The following GREB1L variants were observed in gnomAD, a reference collection of about 807,000 sequenced individuals.
The protein encoded by GREB1L is GREB1 like retinoic acid receptor coactivator.
Under a neutral mutation model 200.8 loss-of-function variants are expected in GREB1L, and 17 were observed. The ratio of observed to expected loss-of-function variants is 0.08; its 90% CI spans 0.06 to 0.13. The LOEUF is 0.13. Among genes scored for constraint, GREB1L ranks in the 10% least tolerant of loss-of-function variants. The pLI is 1.00. For synonymous variants in GREB1L, 789 were observed against 893.0 expected (o/e 0.88, Z 2.08); for missense variants, 1,657 against 2,367.7 (o/e 0.70, Z 6.23).
intron 1 of GREB1L, among the ~76,000 whole-genome samples, chr18:21,358,457 AG>A (rs2039536447): frequency 6.6e-6 from 1 of 152,154 alleles, no homozygotes. Context: ...CTGGGACTAC[AG>A]GCGCCTGCCA....
intron 1 of GREB1L, among the ~76,000 whole-genome samples, chr18:21,286,361 AG>A (rs2038357035): frequency 1.3e-5 from 2 of 152,196 alleles, no homozygotes; most frequent in South Asian, 4.1e-4. Context: ...TTCATTCTGT[AG>A]GGTAAAAAGA....
intron 27 of GREB1L, among the ~76,000 whole-genome samples, chr18:21,511,803 T>G (rs1304601032): frequency 6.6e-6 from 1 of 152,194 alleles, no homozygotes; most frequent in Non-Finnish European, 1.5e-5. Context: ...TATGCCACCA[T>G]GCCTAGCTAA....
At chr18:21,440,556 A>C (rs2033841313) in intron 9 of GREB1L, among the ~76,000 whole-genome samples, 168 bp downstream of exon 9, 1 of 152,232 alleles carries the variant, frequency 6.6e-6, no homozygotes, top group Non-Finnish European at 1.5e-5. Context: ...CAAGATCATT[A>C]CAACTGATCT....
chr18:21,424,694 G>A (rs933498327), intron 7 of GREB1L, among the ~76,000 whole-genome samples: 1 of 152,068 alleles, frequency 6.6e-6, no homozygotes, highest in Non-Finnish European at 1.5e-5. Context: ...AAAACAAAAA[G>A]TGTACAATTC....
At chr18:21,453,835 G>C (rs1374278957) in intron 14 of GREB1L, among the ~76,000 whole-genome samples, 1 of 152,094 alleles carries the variant, frequency 6.6e-6, no homozygotes, top group South Asian at 2.1e-4. Flanking sequence ...TGACTGGGGA[G>C]GGAATTTCCG....
At chr18:21,254,061 ATTTTT>A (rs547876546) in intron 1 of GREB1L, among the ~76,000 whole-genome samples, 1 of 70,438 alleles carries the variant, frequency 1.4e-5, no homozygotes. Context: ...TTTCAGGCAT[ATTTTT>A]TTTTTTTTTT....
At chr18:21,427,470 A>G (rs991145466) in intron 7 of GREB1L, among the ~76,000 whole-genome samples, 15 of 151,594 alleles carry the variant, frequency 9.9e-5, no homozygotes, top group Non-Finnish European at 2.2e-4. Context: ...ATGCCACTAC[A>G]CTCCAGCTTG....
At chr18:21,383,722 T>C (rs2040420073) in intron 3 of GREB1L, 47 bp downstream of exon 3, 1 of 1,535,398 alleles carries the variant, frequency 6.5e-7, no homozygotes, top group Non-Finnish European at 8.8e-7. Context: ...TTTTTTGTTT[T>C]GTTTTTTTGA....
chr18:21,268,046 CT>C (rs1300073614), intron 1 of GREB1L, among the ~76,000 whole-genome samples: 1 of 152,150 alleles, frequency 6.6e-6, no homozygotes, highest in East Asian at 1.9e-4. Context: ...CTTTTGCCCC[CT>C]GATTTCAGTT....
intron 15 of GREB1L, among the ~76,000 whole-genome samples, chr18:21,464,007 A>G (rs923541291): frequency 6.6e-6 from 1 of 152,236 alleles, no homozygotes; most frequent in African/African-American, 2.4e-5. Flanking sequence ...AAGGAATGAT[A>G]GCAATGGATT....
intron 7 of GREB1L, among the ~76,000 whole-genome samples, chr18:21,438,210 C>CTGCA (rs761978236): frequency 2.0e-4 from 31 of 152,182 alleles, no homozygotes; most frequent in East Asian, 1.2e-3. Context: ...GAAGTCAAGA[C>CTGCA]TGCAGCGAGC....
At chr18:21,327,091 G>C (rs1029789627) in intron 1 of GREB1L, among the ~76,000 whole-genome samples, 2 of 152,176 alleles carry the variant, frequency 1.3e-5, no homozygotes, top group African/African-American at 4.8e-5. Context: ...CTTCGGAAAA[G>C]AAGTAAAAGG....
At chr18:21,284,217 G>A (rs1194992839) in intron 1 of GREB1L, among the ~76,000 whole-genome samples, 1 of 152,130 alleles carries the variant, frequency 6.6e-6, no homozygotes, top group Non-Finnish European at 1.5e-5. Flanking sequence ...CACTTAAAAT[G>A]TACAATGCAG....
intron 4 of GREB1L, among the ~76,000 whole-genome samples, chr18:21,384,990 C>G: frequency 6.6e-6 from 1 of 152,132 alleles, no homozygotes; most frequent in South Asian, 2.1e-4. Flanking sequence ...TCCACCAAGG[C>G]TTCACACTTT....
Position 21,520,788 on chromosome 18 carries a change from T to G in GREB1L, c.5573T>G (p.Val1858Gly). The G allele has an allele frequency of 7.1e-7, 1 of 1,404,276 alleles. No homozygotes were observed. The highest frequency in any genetic ancestry group is 9.3e-7 in the Non-Finnish European group (1 of 1,080,934). 87.0% of individuals were successfully genotyped at this position (1,404,276 alleles called of 1,614,324 possible). A position where few individuals can be genotyped will look rare whatever the true frequency, so the allele number is the denominator to read the frequency against. ...CTTTTGTACCTCTGTGACTCTTTTG[T>G]AGGTGCTGATCTTAAGAAATTTAAA... is the stretch of plus-strand genomic sequence containing the variant. The part of the protein sequence containing the change: ...GLLLYLCDSF[V>G]GADLKKFKFL... The change falls in exon 32 of 33, where the codon GTA becomes GGA. Residue 1858 changes from valine (V) to glycine (G), a missense_variant. By Grantham distance (109) the Val-to-Gly change is moderately radical. Coordinates refer to ENST00000424526, the MANE Select transcript of GREB1L (RefSeq NM_001142966.3).
chr18:21,446,048 C>T (rs1429413277), intron 11 of GREB1L, among the ~76,000 whole-genome samples: 1 of 151,880 alleles, frequency 6.6e-6, no homozygotes, highest in Admixed American at 6.6e-5. Context: ...GTTTTGAGAC[C>T]GAGTCTCACT....
chr18:21,345,128 T>C (rs1277682348), intron 1 of GREB1L, among the ~76,000 whole-genome samples: 2 of 152,192 alleles, frequency 1.3e-5, no homozygotes, highest in Non-Finnish European at 2.9e-5. Flanking sequence ...GCCAAGTTCT[T>C]TATCTCCAAC....
intron 18 of GREB1L, among the ~76,000 whole-genome samples, 174 bp downstream of exon 18, chr18:21,485,927 A>G (rs908717954): frequency 6.6e-6 from 1 of 152,118 alleles, no homozygotes; most frequent in African/African-American, 2.4e-5. Context: ...GTTTTATGTG[A>G]TCATCCAAGA....
intron 10 of GREB1L, among the ~76,000 whole-genome samples, chr18:21,443,686 C>G (rs2034041692): frequency 6.6e-6 from 1 of 152,174 alleles, no homozygotes; most frequent in South Asian, 2.1e-4. Context: ...AATATGAGTA[C>G]AGTTGTCCCT....
Sources: allele counts gnomAD v4.1 joint callset (sites outside exome capture counted in the v4.1 genomes callset), GRCh38; gene constraint gnomAD v4.1.1; transcripts MANE v1.5; gene names NCBI Gene and HGNC (gene_info 2026-07-23, HGNC 2026-07-21).